BPTF: variants seen among roughly 807,000 people sequenced by gnomAD.
BPTF encodes nucleosome-remodeling factor subunit BPTF.
In BPTF, 18 loss-of-function variants were observed where a neutral mutation model predicts 292.5. The ratio of observed to expected loss-of-function variants is 0.06; its 90% CI spans 0.04 to 0.09. BPTF has a LOEUF of 0.09. Ranked by LOEUF, BPTF falls within the 10% of genes least tolerant of loss-of-function variation. BPTF has a pLI of 1.00. For missense variants in BPTF, 2,726 were observed against 3,498.7 expected (o/e 0.78, Z 5.57); for synonymous variants, 1,225 against 1,251.9 (o/e 0.98, Z 0.45).
intron 23 of BPTF, among the ~76,000 whole-genome samples, chr17:67,950,565 C>T (rs941598654): frequency 2.0e-4 from 30 of 152,092 alleles, no homozygotes; most frequent in South Asian, 1.0e-3. Context: ...AGGCTGGGCA[C>T]GGTGGCCCAC....
intron 1 of BPTF, among the ~76,000 whole-genome samples, chr17:67,847,690 A>C (rs2058128072): frequency 1.3e-5 from 2 of 151,780 alleles, no homozygotes; most frequent in African/African-American, 4.8e-5. Flanking sequence ...AAAAAAAAAA[A>C]AGAAAAAAGA....
At chr17:67,826,456 A>T (rs2143494352) in intron 1 of BPTF, 119 bp downstream of exon 1, 3 of 998,232 alleles carry the variant, frequency 3.0e-6, no homozygotes, top group Non-Finnish European at 1.4e-6. Context: ...TCCCCCCCAA[A>T]CAGAGGGGAA....
At chr17:67,956,756 G>A (rs2066985774) in intron 23 of BPTF, 2 of 150,436 alleles carry the variant, frequency 1.3e-5, no homozygotes, top group Non-Finnish European at 2.9e-5. Context: ...GAGGTCAGGA[G>A]ATCAAAACCA....
chr17:67,832,379 A>T (rs570119834), intron 1 of BPTF, among the ~76,000 whole-genome samples: 78 of 152,292 alleles, frequency 5.1e-4, no homozygotes, highest in African/African-American at 1.9e-3. Context: ...GCTGGTATAT[A>T]TCTAAAATTT....
chr17:67,980,860 T>G (rs1303808002), intron 27 of BPTF, among the ~76,000 whole-genome samples: 14 of 152,214 alleles, frequency 9.2e-5, no homozygotes, highest in African/African-American at 3.4e-4. Flanking sequence ...TCAATTCTGC[T>G]TAAATAAACA....
chr17:67,942,323 CA>C (rs59037558), intron 19 of BPTF, among the ~76,000 whole-genome samples: 147,757 of 151,270 alleles, frequency 0.98, 72,234 homozygotes, highest in Non-Finnish European at 1. Context: ...AAAAGAAAAA[CA>C]AAAAAAAAAG....
chr17:67,892,441 A>T (rs1354741913), intron 5 of BPTF, among the ~76,000 whole-genome samples: 2 of 152,210 alleles, frequency 1.3e-5, no homozygotes, highest in Non-Finnish European at 2.9e-5. Context: ...TAATTAGAGG[A>T]TGAGGCTTAC....
chr17:67,938,417 G>A (rs945735636), intron 18 of BPTF, among the ~76,000 whole-genome samples: 1 of 152,150 alleles, frequency 6.6e-6, no homozygotes, highest in Non-Finnish European at 1.5e-5. Context: ...ATGAATGAGA[G>A]TAACCAAGAA....
chr17:67,831,638 A>G (rs2056690714), intron 1 of BPTF, among the ~76,000 whole-genome samples: 1 of 152,040 alleles, frequency 6.6e-6, no homozygotes, highest in African/African-American at 2.4e-5. Flanking sequence ...CCCTTTGACT[A>G]AAGACCCTTA....
chr17:67,963,323 A>G, intron 24 of BPTF: 1 of 1,514,964 alleles, frequency 6.6e-7, no homozygotes, highest in Non-Finnish European at 8.8e-7. Flanking sequence ...TTCATTGTGA[A>G]TACTTTTAGG....
chr17:67,838,945 C>T (rs1397630867), intron 1 of BPTF, among the ~76,000 whole-genome samples: 1 of 151,964 alleles, frequency 6.6e-6, no homozygotes, highest in African/African-American at 2.4e-5. Flanking sequence ...AGTATTTAGC[C>T]ACCTATTCTT....
intron 11 of BPTF, among the ~76,000 whole-genome samples, chr17:67,916,430 A>G (rs1293917283): frequency 6.6e-6 from 1 of 152,038 alleles, no homozygotes; most frequent in Non-Finnish European, 1.5e-5. Context: ...TCTTTACTAA[A>G]TATACAAAAA....
At chr17:67,885,303 C>G (rs892755742) in intron 4 of BPTF, among the ~76,000 whole-genome samples, 3 of 152,334 alleles carry the variant, frequency 2.0e-5, no homozygotes, top group African/African-American at 7.2e-5. Context: ...GCAATCACAG[C>G]TGGGCACAGT....
chr17:67,840,763 A>C (rs528971971), intron 1 of BPTF, among the ~76,000 whole-genome samples: 8 of 150,770 alleles, frequency 5.3e-5, no homozygotes, highest in African/African-American at 1.9e-4. Flanking sequence ...GGGTTTCACT[A>C]TGTTGCCCAG....
Position 67,912,811 on chromosome 17 carries a change from A to T in BPTF, c.4927A>T (p.Ser1643Cys), listed in dbSNP as rs538862924. 1.9e-6 allele frequency: 3 copies of T among 1,614,186 alleles called. No individual in the cohort carries two copies. In the East Asian group the frequency reaches 6.7e-5, roughly 36 times the overall value. ...TKLSTPSTGGSVDIISVKEQS... is the reference protein window; with the variant it reads ...TKLSTPSTGGCVDIISVKEQS... ...GCTTTCCACACCCTCCACAGGCGGC[A>T]GTGTGGACATCATCTCTGTAAAGGA... Residue 1643 changes from serine (S) to cysteine (C), a missense_variant, in exon 11 of 28, where the codon AGT becomes TGT. This residue lies in a region of BPTF where 144 missense variants were observed against 177.2 expected (regional missense o/e 0.81). Transcript: ENST00000306378.
chr17:67,905,376 C>T (rs1039102803), intron 9 of BPTF, among the ~76,000 whole-genome samples: 3 of 151,850 alleles, frequency 2.0e-5, no homozygotes, highest in Non-Finnish European at 2.9e-5. Context: ...CCACTGCACT[C>T]CAGCCTAGGT....
At chr17:67,897,178 A>C (rs1427975907) in intron 7 of BPTF, among the ~76,000 whole-genome samples, 1 of 151,248 alleles carries the variant, frequency 6.6e-6, no homozygotes, top group African/African-American at 2.4e-5. Context: ...AAAAAACAAA[A>C]ACAAAAAACG....
At position 67,891,994 on chromosome 17, in the gene BPTF, C is replaced by T; in HGVS notation, c.2015C>T (p.Ala672Val). 1 of 1,607,412 alleles carries T rather than the reference C, an allele frequency of 6.2e-7. No homozygotes were observed. Among genetic ancestry groups the T allele is most frequent in the Non-Finnish European group, 8.5e-7 (1 of 1,177,284 alleles). ...CTGAAGAGCCAGCAGGTGGCAGCCG[C>T]TGCACATGAAGCAAATAAATTATTT... Reference protein sequence around the residue: ...SQLKSQQVAAAAHEANKLFKE... With the variant: ...SQLKSQQVAAVAHEANKLFKE... The change falls in exon 5 of 28, where the codon GCT (alanine) becomes GTT (valine). Residue 672 changes from alanine (A) to valine (V), a missense_variant. By Grantham distance (64) the Ala-to-Val change is moderately conservative. This residue lies in a region of BPTF where 63 missense variants were observed against 84.1 expected (regional missense o/e 0.75). Transcript: ENST00000306378.
chr17:67,838,290 G>A (rs895316765), intron 1 of BPTF, among the ~76,000 whole-genome samples: 1 of 152,190 alleles, frequency 6.6e-6, no homozygotes, highest in African/African-American at 2.4e-5. Context: ...CTGTGATTTC[G>A]ATAATTCGTT....
Sources: gnomAD v4.1 joint callset for allele counts (sites outside exome capture counted in the v4.1 genomes callset) on GRCh38, gnomAD v4.1.1 for gene constraint, gnomAD v4.1.1 regional missense constraint, MANE v1.5 for transcripts, NCBI Gene and HGNC (gene_info 2026-07-23, HGNC 2026-07-21) for gene names.